The following ZDHHC15 variants were observed in gnomAD, a reference collection of about 807,000 sequenced individuals.
ZDHHC15 encodes the protein palmitoyltransferase ZDHHC15.
In ZDHHC15, 19 loss-of-function variants were observed where a neutral mutation model predicts 31.7. The ratio of observed to expected loss-of-function variants is 0.60; its 90% CI spans 0.42 to 0.88. ZDHHC15 has a LOEUF of 0.88. Ranked by LOEUF, ZDHHC15 falls within the 40% of genes least tolerant of loss-of-function variation. The pLI, the probability that ZDHHC15 is intolerant of heterozygous loss-of-function variation, is 0.00. For synonymous variants in ZDHHC15, 103 were observed against 90.0 expected, an observed-to-expected ratio of 1.14 and a Z score of -0.82; for missense variants, 209 against 251.2, an observed-to-expected ratio of 0.83 and a Z score of 1.14.
At chrX:75,485,985 A>G (rs1019668085) in intron 2 of ZDHHC15, among the ~76,000 whole-genome samples, 15 of 111,866 alleles carry the variant, frequency 1.3e-4, no homozygotes, top group African/African-American at 4.9e-4. Flanking sequence ...GCATCTGGTG[A>G]CTCACATGGT....
chrX:75,435,895 T>C (rs1440524434), intron 4 of ZDHHC15, among the ~76,000 whole-genome samples: 1 of 112,223 alleles, frequency 8.9e-6, no homozygotes, highest in Non-Finnish European at 1.9e-5. Flanking sequence ...CTCTGTCTTT[T>C]GGAATAGTTT....
chrX:75,510,346 T>G (rs1258213815), intron 1 of ZDHHC15, among the ~76,000 whole-genome samples: 2 of 110,777 alleles, frequency 1.8e-5, no homozygotes, highest in East Asian at 5.7e-4. Flanking sequence ...TCAGGTGTGA[T>G]GATACATTTA....
At chrX:75,399,854 A>T (rs1238562305) in intron 10 of ZDHHC15, among the ~76,000 whole-genome samples, 2 of 111,568 alleles carry the variant, frequency 1.8e-5, no homozygotes, top group African/African-American at 3.3e-5. Flanking sequence ...CAAAACTTCA[A>T]CACCAAAAAT....
At chrX:75,377,089 T>A (rs1426657879) in intron 11 of ZDHHC15, among the ~76,000 whole-genome samples, 2 of 111,885 alleles carry the variant, frequency 1.8e-5, no homozygotes, top group Non-Finnish European at 3.8e-5. Context: ...AGTTTGGAGC[T>A]TTTTACAAAT....
At chrX:75,384,956 A>G in intron 10 of ZDHHC15, 2 of 428,968 alleles carry the variant, frequency 4.7e-6, no homozygotes, top group Non-Finnish European at 8.1e-6. Context: ...GAAATACATA[A>G]GGGCAATTTG....
intron 5 of ZDHHC15, among the ~76,000 whole-genome samples, chrX:75,430,204 A>G (rs771076783): frequency 2.4e-4 from 27 of 112,036 alleles, no homozygotes; most frequent in Admixed American, 1.2e-3. Flanking sequence ...TTACATGCTT[A>G]TAAGTCCAAC....
intron 2 of ZDHHC15, among the ~76,000 whole-genome samples, chrX:75,495,720 G>T (rs1375587049): frequency 1.0e-5 from 1 of 97,288 alleles, no homozygotes; most frequent in Non-Finnish European, 2.0e-5. Context: ...TCATAGGTGG[G>T]AATTGAACAA....
intron 10 of ZDHHC15, chrX:75,384,924 T>C (rs1335997969): frequency 8.8e-6 from 4 of 455,962 alleles, no homozygotes; most frequent in African/African-American, 2.4e-5. Flanking sequence ...ATTGGCACTA[T>C]CTACTATCGC....
chrX:75,419,233 G>C (rs1422406026), intron 9 of ZDHHC15, among the ~76,000 whole-genome samples: 1 of 111,229 alleles, frequency 9.0e-6, no homozygotes, highest in African/African-American at 3.3e-5. Flanking sequence ...AATCTACAAT[G>C]AACTCAAACA....
intron 10 of ZDHHC15, among the ~76,000 whole-genome samples, chrX:75,382,540 A>T (rs748292914): frequency 2.7e-5 from 3 of 112,299 alleles, no homozygotes; most frequent in Non-Finnish European, 5.6e-5. Flanking sequence ...GGCAAATGAC[A>T]AGTGTATGAA....
intron 2 of ZDHHC15, among the ~76,000 whole-genome samples, chrX:75,500,860 C>T (rs937248927): frequency 1.3e-4 from 14 of 110,040 alleles, no homozygotes; most frequent in African/African-American, 4.6e-4. Flanking sequence ...GTAGCCCAGA[C>T]GTTTTACTCT....
chrX:75,411,310 G>A (rs989042711), intron 10 of ZDHHC15, among the ~76,000 whole-genome samples: 14 of 110,364 alleles, frequency 1.3e-4, no homozygotes, highest in African/African-American at 3.3e-4. Context: ...TGGGGTTCAC[G>A]CCACTCTCCT....
intron 10 of ZDHHC15, among the ~76,000 whole-genome samples, chrX:75,394,159 C>A (rs2083274263): frequency 9.0e-6 from 1 of 111,199 alleles, no homozygotes; most frequent in Non-Finnish European, 1.9e-5. Flanking sequence ...TCAGTACTAA[C>A]CATCATATGG....
chrX:75,507,072 C>A (rs12009021), intron 1 of ZDHHC15, among the ~76,000 whole-genome samples: 9,133 of 110,922 alleles, frequency 0.082, 561 homozygotes, highest in African/African-American at 0.22. Context: ...TAAATAACTG[C>A]AGAACTTTTA....
At chrX:75,515,740 C>A (rs934699371) in intron 1 of ZDHHC15, among the ~76,000 whole-genome samples, 1 of 111,453 alleles carries the variant, frequency 9.0e-6, no homozygotes, top group Non-Finnish European at 1.9e-5. Context: ...CCAGGGCAAT[C>A]AGGCAGGAGA....
intron 4 of ZDHHC15, among the ~76,000 whole-genome samples, chrX:75,435,620 T>C (rs945081702): frequency 1.8e-5 from 2 of 112,458 alleles, no homozygotes; most frequent in Non-Finnish European, 3.8e-5. Flanking sequence ...TGTTTTTACT[T>C]ATGTTTATGT....
At chrX:75,447,074 G>A (rs1266206649) in intron 4 of ZDHHC15, among the ~76,000 whole-genome samples, 1 of 111,788 alleles carries the variant, frequency 8.9e-6, no homozygotes, top group Non-Finnish European at 1.9e-5. Context: ...AGGGATGGAG[G>A]TTACATGGCT....
chrX:75,413,676 AAAC>A (rs2083511700), intron 10 of ZDHHC15, among the ~76,000 whole-genome samples: 1 of 111,103 alleles, frequency 9.0e-6, no homozygotes, highest in African/African-American at 3.3e-5. Flanking sequence ...AGAAAAAAAA[AAAC>A]AAACAACAAC....
intron 10 of ZDHHC15, among the ~76,000 whole-genome samples, chrX:75,400,420 G>GA (rs1484509330): frequency 2.7e-5 from 3 of 111,209 alleles, no homozygotes; most frequent in African/African-American, 9.8e-5. Flanking sequence ...GACAATCAGA[G>GA]AAAAATAAAG....
Sources: gnomAD v4.1 joint callset for allele counts (sites outside exome capture counted in the v4.1 genomes callset) on GRCh38, gnomAD v4.1.1 for gene constraint, MANE v1.5 for transcripts, NCBI Gene and HGNC (gene_info 2026-07-23, HGNC 2026-07-21) for gene names.